The following NCOA2 variants were observed in gnomAD, a reference collection of about 807,000 sequenced individuals.
NCOA2 encodes class E basic helix-loop-helix protein 75.
Under a neutral mutation model 145.1 loss-of-function variants are expected in NCOA2, and 21 were observed. That is an observed-to-expected ratio of 0.14 (90% CI 0.10 to 0.21). The LOEUF is 0.21. Among genes scored for constraint, NCOA2 ranks in the 10% least tolerant of loss-of-function variants. The probability of loss-of-function intolerance (pLI) is 1.00; values close to 1 mark genes in which losing one functional copy is unlikely to be tolerated. For missense variants in NCOA2, 1,472 were observed against 1,837.6 expected (o/e 0.80, Z 3.64); for synonymous variants, 619 against 637.5 (o/e 0.97, Z 0.44).
chr8:70,124,243 C>T lies in NCOA2; in HGVS notation c.4095-161G>A, dbSNP rs183794445. On this transcript the variant is annotated intron_variant, in intron 20 of 22. Coordinates refer to ENST00000452400, the MANE Select transcript of NCOA2 (RefSeq NM_006540.4). ...CGGCAGGTGGTGGGCTTGCTGAAGC[C>T]GAGACAGCAGGGGAAGTGGCATTCA... Among the ~76,000 whole-genome samples the T allele has an allele frequency of 5.7e-4, 86 of 152,140 alleles. No homozygotes were observed. Among genetic ancestry groups the T allele is most frequent in the African/African-American group, 8.2e-4 (34 of 41,506 alleles).
At chr8:70,223,026 G>A (rs767690951) in intron 2 of NCOA2, among the ~76,000 whole-genome samples, 3 of 152,154 alleles carry the variant, frequency 2.0e-5, no homozygotes, top group Admixed American at 1.3e-4. Context: ...AGCAAGACTA[G>A]GTTTTAATGA....
At chr8:70,133,708 C>T (rs958477362) in intron 15 of NCOA2, among the ~76,000 whole-genome samples, 5 of 152,164 alleles carry the variant, frequency 3.3e-5, no homozygotes, top group African/African-American at 1.2e-4. Flanking sequence ...CATTCTTAAG[C>T]AAGTCAGAAT....
At chr8:70,417,262 A>AAAAAAAAAAAAAAAAAAG in the NCOA2 span, among the ~76,000 whole-genome samples, 2 of 149,742 alleles carry the variant, frequency 1.3e-5, no homozygotes, top group African/African-American at 5.0e-5. Context: ...AAAAAAAAAA[A>AAAAAAAAAAAAAAAAAAG]AAAAGGCCAG....
chr8:70,315,193 C>T (rs1805491027), intron 1 of NCOA2, among the ~76,000 whole-genome samples: 1 of 152,162 alleles, frequency 6.6e-6, no homozygotes, highest in African/African-American at 2.4e-5. Flanking sequence ...ATTTCTTCCT[C>T]TTTTCTTTCA....
chr8:70,228,002 C>G (rs1820806041), intron 2 of NCOA2, among the ~76,000 whole-genome samples: 1 of 66,244 alleles, frequency 1.5e-5, no homozygotes, highest in Admixed American at 1.4e-4. Context: ...GAGACTCCAT[C>G]TCAAAAAAAA....
At position 70,335,819 on chromosome 8, in the gene NCOA2, G is replaced by A. The variant is rs77731349; in HGVS notation, c.-76-39019C>T. Among the ~76,000 whole-genome samples the A allele has an allele frequency of 3.7e-4, 57 of 152,204 alleles. No individual in the cohort carries two copies. The East Asian group carries it at 6.9e-3, about 19-fold the overall frequency. The stretch of plus-strand genomic sequence containing the variant: ...TAGATGGTGGAGCCTGCTACACACC[G>A]AGGCTATATGGTATAGCCTATTGCT... On this transcript the variant is annotated intron_variant, in intron 1 of 22. Coordinates refer to ENST00000452400, the MANE Select transcript of NCOA2 (RefSeq NM_006540.4).
At chr8:70,318,314 G>T (rs1805777324) in intron 1 of NCOA2, among the ~76,000 whole-genome samples, 1 of 152,182 alleles carries the variant, frequency 6.6e-6, no homozygotes, top group Non-Finnish European at 1.5e-5. Flanking sequence ...TTTTGAATAG[G>T]CTTCTGAATG....
At chr8:70,280,325 G>A (rs981646319) in intron 2 of NCOA2, among the ~76,000 whole-genome samples, 1 of 152,180 alleles carries the variant, frequency 6.6e-6, no homozygotes, top group African/African-American at 2.4e-5. Flanking sequence ...CTATAATGGG[G>A]AAAATGATAA....
the NCOA2 span, among the ~76,000 whole-genome samples, chr8:70,430,661 A>C: frequency 6.6e-6 from 1 of 152,312 alleles, no homozygotes; most frequent in Non-Finnish European, 1.5e-5. Flanking sequence ...AAGGAAAACA[A>C]AAATGTTCCC....
At position 70,111,654 on chromosome 8, in the gene NCOA2, T is replaced by A. The variant is rs1384926002; in HGVS notation, c.*1978A>T. 1 of 216,456 alleles carries A rather than the reference T, an allele frequency of 4.6e-6. No individual in the cohort carries two copies. The highest frequency in any genetic ancestry group is 2.3e-5 in the African/African-American group (1 of 44,416). The allele number at this position is 216,456 out of a possible 1,614,324, so 13.4% of individuals were successfully genotyped here. A position where few individuals can be genotyped will look rare whatever the true frequency, so the allele number is the denominator to read the frequency against. On this transcript the variant is annotated 3_prime_UTR_variant, in exon 23 of 23. Transcript: ENST00000452400. Reference sequence around the variant, plus strand: ...AAATTTCCAGAAAGGTTCTTTAGTATGGAGCAACATTTTCAGACTGTCTAC... The same window carrying A: ...AAATTTCCAGAAAGGTTCTTTAGTAAGGAGCAACATTTTCAGACTGTCTAC...
the NCOA2 span, among the ~76,000 whole-genome samples, chr8:70,450,778 G>A: frequency 6.6e-6 from 1 of 150,744 alleles, no homozygotes; most frequent in Non-Finnish European, 1.5e-5. Flanking sequence ...TGGGGGCCAC[G>A]CTAGTCTCGA....
intron 4 of NCOA2, among the ~76,000 whole-genome samples, chr8:70,180,804 T>A (rs1815388370): frequency 6.6e-6 from 1 of 152,216 alleles, no homozygotes; most frequent in South Asian, 2.1e-4. Flanking sequence ...ACTCTTGGTC[T>A]TAAGCAATCC....
chr8:70,205,972 A>C (rs1418488675), intron 4 of NCOA2, among the ~76,000 whole-genome samples: 3 of 152,212 alleles, frequency 2.0e-5, no homozygotes, highest in Non-Finnish European at 2.9e-5. Context: ...TGGCAGGAGC[A>C]GGTAGCATAC....
At chr8:70,410,636 A>G in the NCOA2 span, among the ~76,000 whole-genome samples, 1 of 152,180 alleles carries the variant, frequency 6.6e-6, no homozygotes, top group Non-Finnish European at 1.5e-5. Context: ...TTTATTCATG[A>G]TAGTGAAAAC....
chr8:70,127,969 G>C (rs1315513846), intron 18 of NCOA2, among the ~76,000 whole-genome samples: 1 of 152,188 alleles, frequency 6.6e-6, no homozygotes, highest in African/African-American at 2.4e-5. Context: ...GTGCTCTCTA[G>C]TGTTCCTAAG....
chr8:70,417,139 G>A, the NCOA2 span, among the ~76,000 whole-genome samples: 3 of 150,676 alleles, frequency 2.0e-5, no homozygotes, highest in Non-Finnish European at 4.4e-5. Flanking sequence ...TGGGCATGGT[G>A]GCTCATGCTT....
intron 4 of NCOA2, among the ~76,000 whole-genome samples, chr8:70,194,580 C>T (rs1437505537): frequency 6.6e-6 from 1 of 151,700 alleles, no homozygotes; most frequent in Non-Finnish European, 1.5e-5. Flanking sequence ...AATGAATGTT[C>T]TAAAACAAGC....
At chr8:70,335,658 C>T (rs1807521445) in intron 1 of NCOA2, among the ~76,000 whole-genome samples, 1 of 152,218 alleles carries the variant, frequency 6.6e-6, no homozygotes, top group Non-Finnish European at 1.5e-5. Flanking sequence ...ATGAATTTGA[C>T]TACTCTAGGT....
chr8:70,222,449 T>A (rs1421751507), intron 2 of NCOA2, among the ~76,000 whole-genome samples: 3 of 152,222 alleles, frequency 2.0e-5, no homozygotes, highest in Non-Finnish European at 4.4e-5. Flanking sequence ...GTAATAACAG[T>A]ATATAAACAA....
Sources: allele counts gnomAD v4.1 joint callset (sites outside exome capture counted in the v4.1 genomes callset), GRCh38; gene constraint gnomAD v4.1.1; transcripts MANE v1.5; gene names NCBI Gene and HGNC (gene_info 2026-07-23, HGNC 2026-07-21).